The following STK39 variants were observed in gnomAD, a reference collection of about 807,000 sequenced individuals.
STK39 encodes the protein STE20/SPS1-related proline-alanine-rich protein kinase.
Under a neutral mutation model 77.8 loss-of-function variants are expected in STK39, and 20 were observed. That is an observed-to-expected ratio of 0.26 (90% CI 0.18 to 0.37). STK39 has a LOEUF of 0.37. Among genes scored for constraint, STK39 ranks in the 10% least tolerant of loss-of-function variants. The pLI is 1.00. For synonymous variants in STK39, 246 were observed against 234.1 expected, an observed-to-expected ratio of 1.05 and a Z score of -0.47; for missense variants, 479 against 656.5, an observed-to-expected ratio of 0.73 and a Z score of 2.95.
chr2:168,110,007 G>A (rs1261062557), intron 10 of STK39, among the ~76,000 whole-genome samples: 2 of 152,008 alleles, frequency 1.3e-5, no homozygotes, highest in Non-Finnish European at 2.9e-5. Flanking sequence ...TTACATTAAC[G>A]GTATCCTCTG....
At chr2:168,176,919 G>T (rs905548567) in intron 2 of STK39, among the ~76,000 whole-genome samples, 3 of 152,132 alleles carry the variant, frequency 2.0e-5, no homozygotes, top group African/African-American at 7.2e-5. Context: ...TGAAAAGGGG[G>T]TTTTGTTAAT....
chr2:167,975,504 G>A (rs1683249333), intron 16 of STK39, among the ~76,000 whole-genome samples: 1 of 152,132 alleles, frequency 6.6e-6, no homozygotes, highest in South Asian at 2.1e-4. Context: ...ATTCTCAGGT[G>A]GATCCAAGTA....
At chr2:168,157,980 T>C (rs1431666906) in intron 5 of STK39, among the ~76,000 whole-genome samples, 1 of 152,186 alleles carries the variant, frequency 6.6e-6, no homozygotes, top group Non-Finnish European at 1.5e-5. Flanking sequence ...AAGTGATCTG[T>C]TTCATATGAA....
chr2:168,199,826 TATATC>T (rs553989683), intron 1 of STK39, among the ~76,000 whole-genome samples: 320 of 117,054 alleles, frequency 2.7e-3, no homozygotes, highest in Non-Finnish European at 4.2e-3. Context: ...TTTTAACATT[TATATC>T]ATGCAGATTT....
chr2:167,978,074 T>C (rs1251671539), intron 16 of STK39, among the ~76,000 whole-genome samples: 1 of 152,152 alleles, frequency 6.6e-6, no homozygotes, highest in African/African-American at 2.4e-5. Flanking sequence ...GTTTGGGTGA[T>C]GCCAGCTGGT....
At chr2:168,192,816 T>C (rs1689373885) in intron 1 of STK39, among the ~76,000 whole-genome samples, 1 of 152,216 alleles carries the variant, frequency 6.6e-6, no homozygotes, top group African/African-American at 2.4e-5. Context: ...GACACCTGGA[T>C]AGAAACTAGA....
chr2:168,012,365 G>T (rs1684290934), intron 16 of STK39, among the ~76,000 whole-genome samples: 1 of 152,042 alleles, frequency 6.6e-6, no homozygotes, highest in African/African-American at 2.4e-5. Flanking sequence ...TAGAGGCAGG[G>T]TTTCACCAAA....
intron 2 of STK39, among the ~76,000 whole-genome samples, chr2:168,181,152 A>G (rs1191079511): frequency 6.6e-6 from 1 of 152,210 alleles, no homozygotes; most frequent in Admixed American, 6.5e-5. Flanking sequence ...TACTGGGATT[A>G]GTGTGGGGAT....
intron 14 of STK39, among the ~76,000 whole-genome samples, chr2:168,046,800 A>G (rs11689766): frequency 0.63 from 96,304 of 152,180 alleles, 32,090 homozygotes; most frequent in Non-Finnish European, 0.74. Context: ...GAGGGGATAA[A>G]GGTGAAACTG....
At chr2:168,099,674 A>T (rs892638307) in intron 10 of STK39, among the ~76,000 whole-genome samples, 1 of 152,244 alleles carries the variant, frequency 6.6e-6, no homozygotes, top group Non-Finnish European at 1.5e-5. Context: ...ATATAATTCA[A>T]GTTATACAAA....
intron 14 of STK39, among the ~76,000 whole-genome samples, chr2:168,022,307 T>C (rs1417887254): frequency 6.6e-6 from 1 of 152,244 alleles, no homozygotes; most frequent in African/African-American, 2.4e-5. Context: ...TATGCATTTG[T>C]AATTTGACAC....
chr2:168,048,276 A>C (rs1217251896), intron 14 of STK39, among the ~76,000 whole-genome samples: 2 of 150,948 alleles, frequency 1.3e-5, no homozygotes, highest in Non-Finnish European at 2.9e-5. Flanking sequence ...ATAATGGCAC[A>C]ATCTCGGCTC....
At chr2:168,010,066 G>C (rs960781875) in intron 16 of STK39, among the ~76,000 whole-genome samples, 4 of 152,324 alleles carry the variant, frequency 2.6e-5, no homozygotes, top group African/African-American at 9.6e-5. Flanking sequence ...TTTCCGTCAA[G>C]CTCTCTTATT....
At chr2:168,099,072 T>C (rs1252479649) in intron 10 of STK39, among the ~76,000 whole-genome samples, 1 of 152,202 alleles carries the variant, frequency 6.6e-6, no homozygotes, top group Non-Finnish European at 1.5e-5. Context: ...AATGGCTATC[T>C]ACAATTGCCT....
intron 14 of STK39, among the ~76,000 whole-genome samples, chr2:168,058,229 T>G (rs949460938): frequency 2.6e-5 from 4 of 152,244 alleles, no homozygotes; most frequent in African/African-American, 9.6e-5. Flanking sequence ...AGGTCAAGCA[T>G]GTGCTTCATT....
At chr2:168,021,441 G>T (rs552170770) in intron 14 of STK39, among the ~76,000 whole-genome samples, 2 of 152,074 alleles carry the variant, frequency 1.3e-5, no homozygotes, top group African/African-American at 2.4e-5. Context: ...TAATTGGAGC[G>T]AACTACTGAA....
chr2:168,089,432 A>C (rs1418358801), intron 10 of STK39, among the ~76,000 whole-genome samples: 1 of 152,236 alleles, frequency 6.6e-6, no homozygotes, highest in Non-Finnish European at 1.5e-5. Flanking sequence ...TCCTGTTTCT[A>C]AACAAGGTAC....
chr2:168,071,043 C>T (rs1652440570), intron 12 of STK39, among the ~76,000 whole-genome samples: 2 of 152,128 alleles, frequency 1.3e-5, no homozygotes, highest in South Asian at 4.1e-4. Context: ...TACTGTAATA[C>T]TTGGTCATTC....
At chr2:168,003,380 C>G (rs1375704203) in intron 16 of STK39, among the ~76,000 whole-genome samples, 1 of 152,136 alleles carries the variant, frequency 6.6e-6, no homozygotes, top group Non-Finnish European at 1.5e-5. Flanking sequence ...GATAGTCCAG[C>G]CTATCATTTG....
Sources: allele counts gnomAD v4.1 joint callset (sites outside exome capture counted in the v4.1 genomes callset), GRCh38; gene constraint gnomAD v4.1.1; transcripts MANE v1.5; gene names NCBI Gene and HGNC (gene_info 2026-07-23, HGNC 2026-07-21).